Variants in TSPAN14 observed in about 807,000 individuals in gnomAD.
TSPAN14 encodes tetraspanin 14.
TSPAN14 carries 16 observed loss-of-function variants against 36.6 expected under a neutral mutation model. That is an observed-to-expected ratio of 0.44 (90% CI 0.30 to 0.66). The LOEUF is 0.66. Ranked by LOEUF, TSPAN14 falls within the 30% of genes least tolerant of loss-of-function variation. The probability of loss-of-function intolerance (pLI) is 0.12; values close to 1 mark genes in which losing one functional copy is unlikely to be tolerated. For missense variants in TSPAN14, 231 were observed against 355.1 expected (o/e 0.65, Z 2.81); for synonymous variants, 139 against 143.8 (o/e 0.97, Z 0.24).
intron 2 of TSPAN14, 146 bp downstream of exon 2, chr10:80,489,460 A>T (rs1847806628): frequency 1.5e-6 from 1 of 667,268 alleles, no homozygotes; most frequent in East Asian, 2.9e-5. Flanking sequence ...CCCTCACAGA[A>T]CCAGTTGCAG....
intron 1 of TSPAN14, among the ~76,000 whole-genome samples, chr10:80,458,415 G>A (rs1845825762): frequency 6.6e-6 from 1 of 152,184 alleles, no homozygotes; most frequent in Admixed American, 6.5e-5. Flanking sequence ...CACCTGCTTG[G>A]TCTCTGGTGA....
intron 2 of TSPAN14, among the ~76,000 whole-genome samples, chr10:80,490,137 G>A (rs1011306908): frequency 5.9e-5 from 9 of 152,314 alleles, no homozygotes; most frequent in African/African-American, 1.7e-4. Context: ...TGGGTGGTGT[G>A]ATCTGATTTT....
intron 1 of TSPAN14, among the ~76,000 whole-genome samples, chr10:80,478,206 A>G (rs1293386345): frequency 6.6e-6 from 1 of 152,268 alleles, no homozygotes; most frequent in Non-Finnish European, 1.5e-5. Context: ...AAAAAGGAAC[A>G]GTTAGAAAAC....
intron 2 of TSPAN14, among the ~76,000 whole-genome samples, chr10:80,491,045 T>G (rs1847894529): frequency 6.6e-6 from 1 of 152,216 alleles, no homozygotes; most frequent in Non-Finnish European, 1.5e-5. Context: ...TTACTAAGCC[T>G]TCTCAGCCTT....
At chr10:80,511,639 C>T (rs1840624278) in intron 5 of TSPAN14, among the ~76,000 whole-genome samples, 1 of 149,806 alleles carries the variant, frequency 6.7e-6, no homozygotes, top group South Asian at 2.1e-4. Context: ...GAGGAGGCAC[C>T]GTGGCCCGGA....
rs4345904 is a variant in TSPAN14, at chr10:80,480,040, C to G, written c.-17-9177C>G. On this transcript the variant is annotated intron_variant, in intron 1 of 8. Coordinates refer to ENST00000429989, the Ensembl canonical transcript of TSPAN14. ...TGTAAGTTGGATTCCTAGGTATTTT[C>G]TTCTCTTTGAAGCAATTGTGAATGG... Among the ~76,000 whole-genome samples, 4 of 139,614 alleles carry G rather than the reference C, an allele frequency of 2.9e-5. No homozygotes were observed. The East Asian group carries it at 8.0e-4, about 28-fold the overall frequency. The allele number at this position is 139,614 out of a possible 152,430, so 91.6% of individuals were successfully genotyped here.
chr10:80,521,019 A>G, exon 9 of TSPAN14: 1 of 345,270 alleles, frequency 2.9e-6, no homozygotes, highest in Non-Finnish European at 5.7e-6. Context: ...GGTCCACAAG[A>G]AGCCTGGCAC....
At chr10:80,495,792 A>G (rs1233050202) in intron 2 of TSPAN14, among the ~76,000 whole-genome samples, 1 of 152,150 alleles carries the variant, frequency 6.6e-6, no homozygotes, top group East Asian at 1.9e-4. Flanking sequence ...ATTTAGATAG[A>G]ATAACATTTA....
chr10:80,520,299 ACCCTTCTGG>A, exon 9 of TSPAN14: 1 of 289,310 alleles, frequency 3.5e-6, no homozygotes, highest in South Asian at 3.2e-5. Context: ...TCAACTATAG[ACCCTTCTGG>A]CTGTTCTCAG....
intron 1 of TSPAN14, among the ~76,000 whole-genome samples, chr10:80,478,797 G>A (rs1299790763): frequency 2.0e-5 from 3 of 152,136 alleles, no homozygotes; most frequent in Non-Finnish European, 2.9e-5. Context: ...CGAGGCAGGC[G>A]GATCACTTGA....
chr10:80,508,975 C>G (rs1452994024), intron 4 of TSPAN14, among the ~76,000 whole-genome samples: 3 of 152,198 alleles, frequency 2.0e-5, no homozygotes, highest in Non-Finnish European at 4.4e-5. Context: ...TAGGGGTCTC[C>G]TCCTTGTCCA....
Position 80,481,186 on chromosome 10 carries a change from G to A in TSPAN14, c.-17-8031G>A, listed in dbSNP as rs182368149. On this transcript the variant is annotated intron_variant, in intron 1 of 8. Coordinates refer to ENST00000429989, the Ensembl canonical transcript of TSPAN14. Reference sequence around the variant, plus strand: ...CTTGCCTTTCACATTGAAGAAACTCGTGAAGGTGAACAAAGACTGGATCTT... The same window carrying A: ...CTTGCCTTTCACATTGAAGAAACTCATGAAGGTGAACAAAGACTGGATCTT... 1.6e-3 allele frequency among the ~76,000 whole-genome samples: 244 copies of A among 152,252 alleles called. 1 individual carries two copies. Among genetic ancestry groups the A allele is most frequent in the African/African-American group, 5.6e-3 (232 of 41,546 alleles).
intron 1 of TSPAN14, among the ~76,000 whole-genome samples, chr10:80,467,270 G>GGGAC (rs1395259927): frequency 6.6e-6 from 1 of 152,118 alleles, no homozygotes; most frequent in African/African-American, 2.4e-5. Flanking sequence ...GTTTCTCTGG[G>GGGAC]GTCCTCGTGG....
At chr10:80,517,483 G>T (rs1251220526) in intron 8 of TSPAN14, among the ~76,000 whole-genome samples, 1 of 152,166 alleles carries the variant, frequency 6.6e-6, no homozygotes, top group East Asian at 1.9e-4. Flanking sequence ...GGATGGCCTT[G>T]GTTTTATTAT....
At position 80,494,392 on chromosome 10, in the gene TSPAN14, C is replaced by T. The variant is rs117707674; in HGVS notation, c.81+5078C>T. On this transcript the variant is annotated intron_variant, in intron 2 of 8. Transcript: ENST00000429989. ...GTAAGAGAATTTTGAGAGAGTCTTG[C>T]GAATTTTGCCAGAACAACAGGTGTA... 6.2e-3 allele frequency among the ~76,000 whole-genome samples: 939 copies of T among 152,272 alleles called. 7 individuals carry two copies. The highest frequency in any genetic ancestry group is 0.01 in the Non-Finnish European group (702 of 68,026).
chr10:80,491,029 G>A (rs1177518996), intron 2 of TSPAN14, among the ~76,000 whole-genome samples: 1 of 152,164 alleles, frequency 6.6e-6, no homozygotes, highest in East Asian at 1.9e-4. Context: ...TGAAAACAAG[G>A]CAGACTTACT....
At chr10:80,484,837 G>A (rs1847501657) in intron 1 of TSPAN14, among the ~76,000 whole-genome samples, 1 of 152,092 alleles carries the variant, frequency 6.6e-6, no homozygotes, top group South Asian at 2.1e-4. Context: ...AAATGGACTT[G>A]AAAACCCTGT....
At chr10:80,517,376 C>T (rs970301714) in intron 8 of TSPAN14, among the ~76,000 whole-genome samples, 3 of 152,252 alleles carry the variant, frequency 2.0e-5, no homozygotes, top group Non-Finnish European at 4.4e-5. Context: ...TCGTGTTCAT[C>T]TGTTCACGTT....
intron 1 of TSPAN14, among the ~76,000 whole-genome samples, chr10:80,480,822 C>G (rs1847229445): frequency 6.6e-6 from 1 of 152,068 alleles, no homozygotes; most frequent in African/African-American, 2.4e-5. Context: ...GGAGATACAC[C>G]TAATGCTAAA....
Sources: gnomAD v4.1 joint callset for allele counts (sites outside exome capture counted in the v4.1 genomes callset) on GRCh38, gnomAD v4.1.1 for gene constraint, MANE v1.5 for transcripts, NCBI Gene and HGNC (gene_info 2026-07-23, HGNC 2026-07-21) for gene names.